Variants in CADM2 observed in about 807,000 individuals in gnomAD.
The protein encoded by CADM2 is immunoglobulin superfamily member 4D.
CADM2 carries 12 observed loss-of-function variants against 49.8 expected under a neutral mutation model. That is an observed-to-expected ratio of 0.24 (90% CI 0.15 to 0.39). The LOEUF (loss-of-function observed/expected upper bound fraction) is 0.39. Ranked by LOEUF, CADM2 falls within the 10% of genes least tolerant of loss-of-function variation. The pLI is 1.00. For synonymous variants in CADM2, 214 were observed against 175.4 expected, an observed-to-expected ratio of 1.22 and a Z score of -1.74; for missense variants, 378 against 492.3, an observed-to-expected ratio of 0.77 and a Z score of 2.20.
At chr3:85,344,682 C>T (rs1331227201) in intron 1 of CADM2, among the ~76,000 whole-genome samples, 2 of 151,818 alleles carry the variant, frequency 1.3e-5, no homozygotes, top group African/African-American at 4.8e-5. Flanking sequence ...ATGTATATTA[C>T]ATTAGCAAAA....
intron 2 of CADM2, among the ~76,000 whole-genome samples, chr3:85,781,029 A>C (rs2107992735): frequency 6.6e-6 from 1 of 152,276 alleles, no homozygotes; most frequent in Middle Eastern, 3.4e-3. Context: ...CCAGAAGCCA[A>C]GTCCCCAAAA....
At chr3:85,132,463 A>AT (rs1441493369) in intron 1 of CADM2, among the ~76,000 whole-genome samples, 2 of 152,166 alleles carry the variant, frequency 1.3e-5, no homozygotes. Flanking sequence ...ACTTGATCTA[A>AT]CAGATTCCAT....
chr3:85,823,814 G>A (rs1421522691), intron 3 of CADM2, among the ~76,000 whole-genome samples: 12 of 152,012 alleles, frequency 7.9e-5, no homozygotes, highest in East Asian at 3.9e-4. Context: ...ATAGCTATGC[G>A]TCAACATTTT....
chr3:85,024,050 A>G (rs1158613175), intron 1 of CADM2, among the ~76,000 whole-genome samples: 1 of 152,114 alleles, frequency 6.6e-6, no homozygotes. Context: ...CCAAACATAT[A>G]TATTTGCTTT....
At chr3:85,680,988 A>G (rs1201270877) in intron 1 of CADM2, among the ~76,000 whole-genome samples, 1 of 152,204 alleles carries the variant, frequency 6.6e-6, no homozygotes, top group Non-Finnish European at 1.5e-5. Flanking sequence ...CTTCATTGGC[A>G]TGCATACTGT....
chr3:86,013,357 T>G, intron 8 of CADM2: 2 of 1,541,612 alleles, frequency 1.3e-6, no homozygotes, highest in Non-Finnish European at 8.9e-7. Context: ...TTTGAATTAT[T>G]GATTCTGATG....
At chr3:85,357,066 T>C (rs1055068325) in intron 1 of CADM2, among the ~76,000 whole-genome samples, 2 of 152,116 alleles carry the variant, frequency 1.3e-5, no homozygotes, top group Non-Finnish European at 2.9e-5. Context: ...TAAACTTAAA[T>C]TGAAATTTTG....
At chr3:85,989,265 A>G (rs1728478137) in intron 8 of CADM2, among the ~76,000 whole-genome samples, 1 of 152,168 alleles carries the variant, frequency 6.6e-6, no homozygotes, top group African/African-American at 2.4e-5. Flanking sequence ...TGTTGGCTAC[A>G]GTAAGATGCT....
chr3:85,729,012 G>T (rs2067824411), intron 2 of CADM2, among the ~76,000 whole-genome samples: 1 of 152,112 alleles, frequency 6.6e-6, no homozygotes, highest in East Asian at 1.9e-4. Flanking sequence ...ATCAAATAAT[G>T]TAGCAACTAG....
At chr3:85,917,790 C>CT (rs1186502566) in intron 6 of CADM2, among the ~76,000 whole-genome samples, 1 of 152,158 alleles carries the variant, frequency 6.6e-6, no homozygotes, top group Non-Finnish European at 1.5e-5. Flanking sequence ...TTGATTCTTC[C>CT]TGTTTATGAG....
intron 1 of CADM2, among the ~76,000 whole-genome samples, chr3:84,986,618 G>C (rs1307748672): frequency 6.6e-6 from 1 of 151,970 alleles, no homozygotes; most frequent in East Asian, 1.9e-4. Flanking sequence ...TGGGGGGAGC[G>C]GGGAGGGATA....
chr3:85,736,261 A>C (rs936737586), intron 2 of CADM2, among the ~76,000 whole-genome samples: 3 of 152,250 alleles, frequency 2.0e-5, no homozygotes, highest in African/African-American at 7.2e-5. Flanking sequence ...GGAAACAAGC[A>C]ATGTAACCTT....
chr3:85,300,492 G>C lies in CADM2; in HGVS notation c.61+340824G>C, dbSNP rs547973177. Among the ~76,000 whole-genome samples, 4 of 151,988 alleles carry C rather than the reference G, an allele frequency of 2.6e-5. No individual in the cohort carries two copies. In the East Asian group the frequency reaches 7.8e-4, roughly 29 times the overall value. On this transcript the variant is annotated intron_variant, in intron 1 of 9. Coordinates refer to ENST00000383699, the MANE Select transcript of CADM2 (RefSeq NM_001167675.2). The stretch of plus-strand genomic sequence containing the variant: ...TTTATTTTTTAATTGACTAGTTTCT[G>C]AAATATAAAATACAAGATCTTCTGT...
At chr3:84,992,465 C>T (rs1003736240) in intron 1 of CADM2, among the ~76,000 whole-genome samples, 1 of 152,018 alleles carries the variant, frequency 6.6e-6, no homozygotes, top group Non-Finnish European at 1.5e-5. Context: ...GCTGTCTCTA[C>T]TAAAAATACA....
At chr3:85,786,910 G>A (rs1272441521) in intron 2 of CADM2, among the ~76,000 whole-genome samples, 1 of 151,986 alleles carries the variant, frequency 6.6e-6, no homozygotes, top group African/African-American at 2.4e-5. Flanking sequence ...TATTTCACAG[G>A]GGAAAAACTT....
Position 85,721,996 on chromosome 3 carries a change from TC to T in CADM2, c.62-4524del, listed in dbSNP as rs1161442063. On this transcript the variant is annotated intron_variant, in intron 1 of 9. Transcript: ENST00000383699. ...CAGAGGAGGCCCTGGAGTGGGTAGTTCCTGTCTACGGGCAGGTTGTCACATA... is the reference window on the plus strand; with the variant it reads ...CAGAGGAGGCCCTGGAGTGGGTAGTTCTGTCTACGGGCAGGTTGTCACATA... Among the ~76,000 whole-genome samples the T allele has an allele frequency of 2.0e-5, 3 of 152,288 alleles. No individual in the cohort carries two copies. In the East Asian group the frequency reaches 5.8e-4, roughly 29 times the overall value.
At chr3:85,886,537 C>T (rs1317438619) in intron 5 of CADM2, among the ~76,000 whole-genome samples, 4 of 151,658 alleles carry the variant, frequency 2.6e-5, no homozygotes, top group African/African-American at 9.7e-5. Context: ...TTTCTTCTTC[C>T]GTAAAATAGG....
chr3:86,060,700 A>C (rs1166483669), intron 8 of CADM2, among the ~76,000 whole-genome samples: 1 of 152,128 alleles, frequency 6.6e-6, no homozygotes, highest in East Asian at 1.9e-4. Flanking sequence ...AAAAATAATA[A>C]TGGCCGGATG....
At chr3:85,877,832 A>C (rs557983974) in intron 3 of CADM2, among the ~76,000 whole-genome samples, 1 of 151,962 alleles carries the variant, frequency 6.6e-6, no homozygotes, top group African/African-American at 2.4e-5. Context: ...TTTCAATTCA[A>C]TAGCTACTCA....
Sources: allele counts gnomAD v4.1 joint callset (sites outside exome capture counted in the v4.1 genomes callset), GRCh38; gene constraint gnomAD v4.1.1; transcripts MANE v1.5; gene names NCBI Gene and HGNC (gene_info 2026-07-23, HGNC 2026-07-21).